The following UHRF2 variants were observed in gnomAD, a reference collection of about 807,000 sequenced individuals.
UHRF2 encodes E3 ubiquitin-protein ligase UHRF2.
In UHRF2, 23 loss-of-function variants were observed where a neutral mutation model predicts 96.8. The observed-to-expected ratio is 0.24, with a 90% CI of 0.17 to 0.34. The LOEUF (loss-of-function observed/expected upper bound fraction) is 0.34. UHRF2 is among the 10% of genes least tolerant of loss of function. The pLI, the probability that UHRF2 is intolerant of heterozygous loss-of-function variation, is 1.00. For missense variants in UHRF2, 685 were observed against 981.5 expected (o/e 0.70, Z 4.04); for synonymous variants, 385 against 332.6 (o/e 1.16, Z -1.72).
At chr9:6,486,696 A>G in intron 8 of UHRF2, 125 bp from the exon 9 acceptor site, 1 of 828,968 alleles carries the variant, frequency 1.2e-6, no homozygotes, top group Non-Finnish European at 1.8e-6. Context: ...TGAGAGAGCA[A>G]AAGATAGAAC....
rs1822499283 is a variant in UHRF2, at chr9:6,460,911, C to T, written c.863+120C>T. ...GGAGTCTATAAAAGATGGAAATTTC[C>T]ATACTGAAGGAGAATATTTTTATAA... On this transcript the variant is annotated intron_variant, in intron 4 of 15. Coordinates refer to ENST00000276893, the MANE Select transcript of UHRF2 (RefSeq NM_152896.3). 19 of 710,060 alleles carry T rather than the reference C, an allele frequency of 2.7e-5. No homozygotes were observed. The South Asian group carries it at 5.7e-4, about 21-fold the overall frequency. The allele number at this position is 710,060 out of a possible 1,614,324, so 44.0% of individuals were successfully genotyped here. A position where few individuals can be genotyped will look rare whatever the true frequency, so the allele number is the denominator to read the frequency against.
rs1816483112 is a variant in UHRF2, at chr9:6,504,528, A to G, written c.2164-65A>G. 15 of 1,051,682 alleles carry G rather than the reference A, an allele frequency of 1.4e-5. No individual in the cohort carries two copies. The South Asian group carries it at 1.4e-4, about 10-fold the overall frequency. The allele number at this position is 1,051,682 out of a possible 1,614,324, so 65.1% of individuals were successfully genotyped here. A position where few individuals can be genotyped will look rare whatever the true frequency, so the allele number is the denominator to read the frequency against. Reference sequence around the variant, plus strand: ...CTAGCTGTTTTGAAATACACAGTAGATGAATTTTATTAGCATATTATGAAC... The same window carrying G: ...CTAGCTGTTTTGAAATACACAGTAGGTGAATTTTATTAGCATATTATGAAC... On this transcript the variant is annotated intron_variant, in intron 14 of 15. Transcript: ENST00000276893.
At position 6,460,714 on chromosome 9, in the gene UHRF2, C is replaced by G. The variant is rs1219194151; in HGVS notation, c.786C>G (p.Phe262Leu). The G allele has an allele frequency of 1.9e-6, 3 of 1,613,896 alleles. No individual in the cohort carries two copies. The highest frequency in any genetic ancestry group is 2.5e-6 in the Non-Finnish European group (3 of 1,179,962). ...TAGAAAGTCCTGGACAAAGAGGATTCTGGTTTGATGCAGAAATTACCACAT... is the reference window on the plus strand; with the variant it reads ...TAGAAAGTCCTGGACAAAGAGGATTGTGGTTTGATGCAGAAATTACCACAT... ...YNVESPGQRG[F>L]WFDAEITTLK... The change falls in exon 4 of 16, where the codon TTC becomes TTG. Residue 262 changes from phenylalanine (F) to leucine (L), a missense_variant. Phe to Leu is a conservative substitution (Grantham distance 22). Coordinates refer to ENST00000276893, the MANE Select transcript of UHRF2 (RefSeq NM_152896.3).
intron 4 of UHRF2, among the ~76,000 whole-genome samples, chr9:6,467,689 C>CA (rs775549503): frequency 1.6e-5 from 2 of 128,008 alleles, no homozygotes; most frequent in South Asian, 2.6e-4. Context: ...TGAATTCTTT[C>CA]AAAGATTTGA....
At chr9:6,422,762 C>T (rs1158838463) in intron 2 of UHRF2, 4 of 442,290 alleles carry the variant, frequency 9.0e-6, no homozygotes, top group Admixed American at 4.0e-5. Flanking sequence ...CGTGAGCCAC[C>T]ATGCCCGGCT....
At chr9:6,461,487 C>G (rs1169271243) in intron 4 of UHRF2, among the ~76,000 whole-genome samples, 2 of 151,292 alleles carry the variant, frequency 1.3e-5, no homozygotes, top group Admixed American at 1.3e-4. Context: ...GTTCTCCTGC[C>G]TCAGCCTCCC....
intron 3 of UHRF2, among the ~76,000 whole-genome samples, chr9:6,443,025 T>C (rs1217391528): frequency 6.6e-6 from 1 of 152,184 alleles, no homozygotes; most frequent in Non-Finnish European, 1.5e-5. Flanking sequence ...GGTTATAACT[T>C]TTAGCTGATT....
rs191254724 is a variant in UHRF2, at chr9:6,482,264, C to G, written c.1392+165C>G. Among the ~76,000 whole-genome samples, 149 of 152,294 alleles carry G rather than the reference C, an allele frequency of 9.8e-4. 3 individuals are homozygous for G. Among genetic ancestry groups the G allele is most frequent in the Admixed American group, 7.5e-3 (114 of 15,300 alleles). On this transcript the variant is annotated intron_variant, in intron 8 of 15. Transcript: ENST00000276893. ...CTCTTCCTGGAGGTTAACAAAGGAA[C>G]ATACATCACAGAATTGGGCATTAGC...
At chr9:6,503,973 G>C (rs1184303790) in intron 14 of UHRF2, among the ~76,000 whole-genome samples, 4 of 145,058 alleles carry the variant, frequency 2.8e-5, no homozygotes, top group African/African-American at 1.0e-4. Context: ...CTCTTCTCAG[G>C]TAGTTAAAAA....
chr9:6,432,662 T>C (rs1820620118), intron 2 of UHRF2, among the ~76,000 whole-genome samples: 1 of 152,228 alleles, frequency 6.6e-6, no homozygotes, highest in African/African-American at 2.4e-5. Context: ...TTTAACTTAC[T>C]TCTCCCACGA....
chr9:6,413,298 G>T lies in UHRF2; in HGVS notation c.-193G>T. 3.3e-6 allele frequency: 1 copy of T among 303,474 alleles called. No individual in the cohort carries two copies. Among genetic ancestry groups the T allele is most frequent in the Non-Finnish European group, 5.4e-6 (1 of 185,126 alleles). The allele number at this position is 303,474 out of a possible 1,614,324, so 18.8% of individuals were successfully genotyped here. A position where few individuals can be genotyped will look rare whatever the true frequency, so the allele number is the denominator to read the frequency against. On this transcript the variant is annotated 5_prime_UTR_variant, in exon 1 of 16. Coordinates refer to ENST00000276893, the MANE Select transcript of UHRF2 (RefSeq NM_152896.3). ...AGTGGTTCCGGTCGTCTCTCCTCAA[G>T]TCGGCTAGTCGGGCGCGCGCGCTGA...
In UHRF2 at chr9:6,420,988, C is replaced by T. The variant is rs985374811; in HGVS notation, c.230C>T (p.Pro77Leu). 1 of 1,613,554 alleles carries T rather than the reference C, an allele frequency of 6.2e-7. No homozygotes were observed. The highest frequency in any genetic ancestry group is 8.5e-7 in the Non-Finnish European group (1 of 1,179,874). The change falls in exon 2 of 16, where the codon CCT (proline) becomes CTT (leucine). Residue 77 changes from proline (P) to leucine (L), a missense_variant. By Grantham distance (98) the Pro-to-Leu change is moderately conservative (BLOSUM62 -3). Around this residue, in one of 6 missense-constraint regions of UHRF2, gnomAD observed 391 missense variants for 437.0 expected, o/e 0.89. Coordinates refer to ENST00000276893, the MANE Select transcript of UHRF2 (RefSeq NM_152896.3). Reference protein sequence around the residue: ...DIIQLLVRPDPDHLPGTSTQI... With the variant: ...DIIQLLVRPDLDHLPGTSTQI... ...ATTCAGCTGCTAGTTCGCCCAGACC[C>T]TGATCATCTTCCTGGCACATCTACA...
In UHRF2 at chr9:6,413,662, G is replaced by C; in HGVS notation, c.153+19G>C. 3 of 1,556,426 alleles carry C rather than the reference G, an allele frequency of 1.9e-6. No homozygotes were observed. Among genetic ancestry groups the C allele is most frequent in the Non-Finnish European group, 2.6e-6 (3 of 1,154,542 alleles). ...CAAGCAGGTGAGGCGCGCCCGCCGC[G>C]CCCCTAGCGAGGCTGGGGGCCGGAA... is the stretch of plus-strand genomic sequence containing the variant. On this transcript the variant is annotated intron_variant, in intron 1 of 15. Transcript: ENST00000276893.
At chr9:6,466,273 C>T (rs1313139286) in intron 4 of UHRF2, among the ~76,000 whole-genome samples, 2 of 152,142 alleles carry the variant, frequency 1.3e-5, no homozygotes, top group East Asian at 1.9e-4. Context: ...TGTGGTGGCT[C>T]ACGCCTGTAA....
At chr9:6,445,130 TAAA>T (rs34294660) in intron 3 of UHRF2, among the ~76,000 whole-genome samples, 3 of 114,148 alleles carry the variant, frequency 2.6e-5, no homozygotes, top group African/African-American at 9.8e-5. Flanking sequence ...ATCTCTTATT[TAAA>T]AAAAAAAAAA....
chr9:6,438,347 A>G (rs532453998), intron 3 of UHRF2, among the ~76,000 whole-genome samples: 2 of 152,328 alleles, frequency 1.3e-5, no homozygotes, highest in South Asian at 4.1e-4. Flanking sequence ...GAAGTTAGTA[A>G]TTGTATTAGA....
chr9:6,447,845 C>G (rs1486961884), intron 3 of UHRF2, among the ~76,000 whole-genome samples: 1 of 152,150 alleles, frequency 6.6e-6, no homozygotes, highest in Non-Finnish European at 1.5e-5. Flanking sequence ...ACAAAGCAAG[C>G]AAATTGGTGT....
chr9:6,437,997 C>A (rs138981680), intron 3 of UHRF2, among the ~76,000 whole-genome samples: 62 of 152,294 alleles, frequency 4.1e-4, no homozygotes, highest in African/African-American at 1.4e-3. Context: ...GGAATATTGT[C>A]CTCCAGCTCT....
chr9:6,416,641 C>A lies in UHRF2; in HGVS notation c.153+2998C>A, dbSNP rs1376040000. The stretch of plus-strand genomic sequence containing the variant: ...CACTGCAAGCTCCGCCTTCCGGGTT[C>A]ACGCCATTCTGCCTCAGCCTCCCGA... On this transcript the variant is annotated intron_variant, in intron 1 of 15. Transcript: ENST00000276893. Among the ~76,000 whole-genome samples, 5 of 142,912 alleles carry A rather than the reference C, an allele frequency of 3.5e-5. No homozygotes were observed. The East Asian group carries it at 1.1e-3, about 32-fold the overall frequency. The allele number at this position is 142,912 out of a possible 152,430, so 93.8% of individuals were successfully genotyped here.
Sources: gnomAD v4.1 joint callset for allele counts (sites outside exome capture counted in the v4.1 genomes callset) on GRCh38, gnomAD v4.1.1 for gene constraint, gnomAD v4.1.1 regional missense constraint, MANE v1.5 for transcripts, NCBI Gene and HGNC (gene_info 2026-07-23, HGNC 2026-07-21) for gene names.